The following SMARCC1 variants were observed in gnomAD, a reference collection of about 807,000 sequenced individuals.
SMARCC1 encodes SWI/SNF related BAF chromatin remodeling complex subunit C1.
SMARCC1 carries 43 observed loss-of-function variants against 147.4 expected under a neutral mutation model. The observed-to-expected ratio is 0.29, with a 90% CI of 0.23 to 0.38. SMARCC1 has a LOEUF of 0.38. Ranked by LOEUF, SMARCC1 falls within the 10% of genes least tolerant of loss-of-function variation. The pLI, the probability that SMARCC1 is intolerant of heterozygous loss-of-function variation, is 1.00. For synonymous variants in SMARCC1, 495 were observed against 484.4 expected (o/e 1.02, Z -0.29); for missense variants, 1,119 against 1,381.1 (o/e 0.81, Z 3.01).
chr3:47,588,139 G>A lies in SMARCC1; in HGVS notation c.*70C>T. The stretch of plus-strand genomic sequence containing the variant: ...CCTGAAAGAAACCCAAGAAAGTTGA[G>A]GAACACAAGTCTTGTCATCCCCACT... On this transcript the variant is annotated 3_prime_UTR_variant, in exon 28 of 28. Transcript: ENST00000254480. 1 of 1,241,058 alleles carries A rather than the reference G, an allele frequency of 8.1e-7. No individual in the cohort carries two copies. The highest frequency in any genetic ancestry group is 1.3e-5 in the South Asian group (1 of 78,690). 76.9% of individuals were successfully genotyped at this position (1,241,058 alleles called of 1,614,324 possible).
intron 21 of SMARCC1, among the ~76,000 whole-genome samples, chr3:47,640,790 G>A (rs1310513873): frequency 6.6e-5 from 10 of 151,878 alleles, no homozygotes; most frequent in Non-Finnish European, 8.8e-5. Context: ...AATATTAGAC[G>A]ACACTAGGCT....
chr3:47,743,044 A>C (rs2034526465), intron 3 of SMARCC1, among the ~76,000 whole-genome samples: 1 of 152,222 alleles, frequency 6.6e-6, no homozygotes, highest in South Asian at 2.1e-4. Flanking sequence ...CAATGAAATA[A>C]GAAGAAAATA....
In SMARCC1 at chr3:47,626,292, G is replaced by A. The variant is rs1181352520; in HGVS notation, c.2647-3951C>T. 3.3e-5 allele frequency among the ~76,000 whole-genome samples: 5 copies of A among 151,458 alleles called. No individual in the cohort carries two copies. In the South Asian group the frequency reaches 8.3e-4, roughly 25 times the overall value. On this transcript the variant is annotated intron_variant, in intron 24 of 27. Coordinates refer to ENST00000254480, the MANE Select transcript of SMARCC1 (RefSeq NM_003074.4). Reference sequence around the variant, plus strand: ...CTCCTGAACAGCTGGGATTACAGGCGCCCGCCACCAAGCCCGGCTAATTTT... The same window carrying A: ...CTCCTGAACAGCTGGGATTACAGGCACCCGCCACCAAGCCCGGCTAATTTT...
chr3:47,624,912 A>T (rs2032786998), intron 24 of SMARCC1, among the ~76,000 whole-genome samples: 1 of 151,524 alleles, frequency 6.6e-6, no homozygotes, highest in African/African-American at 2.4e-5. Flanking sequence ...AAAAAAAAAA[A>T]AAAGCTGGAT....
chr3:47,779,615 TG>T (rs577579040), intron 1 of SMARCC1, among the ~76,000 whole-genome samples: 4 of 152,330 alleles, frequency 2.6e-5, no homozygotes, highest in Admixed American at 6.5e-5. Flanking sequence ...TCAATACTGC[TG>T]GGCAATTCCT....
Position 47,772,820 on chromosome 3 carries a change from G to A in SMARCC1, c.312C>T (p.Leu104=). The A allele has an allele frequency of 1.9e-6, 3 of 1,612,050 alleles. No homozygotes were observed. The highest frequency in any genetic ancestry group is 2.5e-6 in the Non-Finnish European group (3 of 1,178,746). ...AACAGTAAGCTGATGTACTTACAGGGAGTTTGGTGAAGGCCGGGTTGGTGA... is the reference window on the plus strand; with the variant it reads ...AACAGTAAGCTGATGTACTTACAGGAAGTTTGGTGAAGGCCGGGTTGGTGA... ...KHVTNPAFTK[L]PAKCFMDFKA... is the part of the protein sequence containing the mutation. The change falls in exon 2 of 28, where the codon CTC becomes CTT. Residue 104 remains leucine, a synonymous_variant. Coordinates refer to ENST00000254480, the MANE Select transcript of SMARCC1 (RefSeq NM_003074.4).
At chr3:47,672,277 C>T (rs1009333531) in intron 18 of SMARCC1, among the ~76,000 whole-genome samples, 15 of 151,736 alleles carry the variant, frequency 9.9e-5, no homozygotes, top group Non-Finnish European at 1.6e-4. Context: ...TGCAGTGGCA[C>T]GATCTTGGCT....
intron 21 of SMARCC1, among the ~76,000 whole-genome samples, chr3:47,650,148 C>T (rs1337768828): frequency 2.0e-5 from 3 of 151,646 alleles, no homozygotes; most frequent in East Asian, 1.9e-4. Flanking sequence ...TGGTGGTGGG[C>T]GCCTGTAGTC....
chr3:47,669,610 C>T (rs2033470238), intron 19 of SMARCC1, among the ~76,000 whole-genome samples: 1 of 151,750 alleles, frequency 6.6e-6, no homozygotes, highest in Admixed American at 6.6e-5. Flanking sequence ...ACTGAATGGG[C>T]ATATGAGAAT....
At chr3:47,702,959 C>T (rs759933853) in intron 10 of SMARCC1, among the ~76,000 whole-genome samples, 14 of 152,224 alleles carry the variant, frequency 9.2e-5, no homozygotes, top group Middle Eastern at 3.4e-3. Flanking sequence ...GACAGTCTTG[C>T]TCTGTTGCCC....
At chr3:47,627,053 T>A (rs573695639) in intron 24 of SMARCC1, among the ~76,000 whole-genome samples, 42 of 152,318 alleles carry the variant, frequency 2.8e-4, no homozygotes, top group African/African-American at 1.0e-3. Context: ...TTAACAAAAT[T>A]ATGAGATTTA....
intron 21 of SMARCC1, among the ~76,000 whole-genome samples, chr3:47,645,510 C>T (rs972868235): frequency 1.3e-5 from 2 of 151,982 alleles, no homozygotes; most frequent in Admixed American, 6.6e-5. Context: ...GTGCCACTGC[C>T]GTCCACACTG....
At chr3:47,589,961 C>T (rs1390110829) in intron 27 of SMARCC1, among the ~76,000 whole-genome samples, 1 of 152,224 alleles carries the variant, frequency 6.6e-6, no homozygotes, top group East Asian at 1.9e-4. Flanking sequence ...CTACTGGCTG[C>T]ATTTCAGCAT....
In SMARCC1 at chr3:47,638,743, A is replaced by T; in HGVS notation, c.2358T>A (p.Asp786Glu). Reference sequence around the variant, plus strand: ...ACTTTACCTTTTCAGGCTGCTGACCATCAGGGTCGGCTTCCATTTTTTCCT... The same window carrying T: ...ACTTTACCTTTTCAGGCTGCTGACCTTCAGGGTCGGCTTCCATTTTTTCCT... ...AEEEKMEADP[D>E]GQQPEKAENK... Residue 786 changes from aspartate to glutamate, a missense_variant, in exon 22 of 28, where the codon GAT becomes GAA. Around this residue, in one of 6 missense-constraint regions of SMARCC1, gnomAD observed 157 missense variants for 158.6 expected, o/e 0.99. Coordinates refer to ENST00000254480, the MANE Select transcript of SMARCC1 (RefSeq NM_003074.4). 6.2e-7 allele frequency: 1 copy of T among 1,613,658 alleles called. No homozygotes were observed. Among genetic ancestry groups the T allele is most frequent in the African/African-American group, 1.3e-5 (1 of 75,040 alleles).
chr3:47,693,899 G>A (rs2033818971), intron 11 of SMARCC1, among the ~76,000 whole-genome samples: 1 of 152,118 alleles, frequency 6.6e-6, no homozygotes, highest in South Asian at 2.1e-4. Context: ...CTGAGCTCAT[G>A]CAATCCATTC....
chr3:47,606,486 C>T lies in SMARCC1; in HGVS notation c.3043+3580G>A, dbSNP rs927006131. On this transcript the variant is annotated intron_variant, in intron 26 of 27. Coordinates refer to ENST00000254480, the MANE Select transcript of SMARCC1 (RefSeq NM_003074.4). ...GTGAGGGGCATGGCATACAAACACC[C>T]ATTATCATCAAAATCTCATTTAGGG... Among the ~76,000 whole-genome samples the T allele has an allele frequency of 6.6e-5, 10 of 152,134 alleles. No individual in the cohort carries two copies. In the East Asian group the frequency reaches 1.7e-3, roughly 26 times the overall value.
chr3:47,638,946 T>C (rs2033011380), intron 21 of SMARCC1, among the ~76,000 whole-genome samples, 166 bp from the exon 22 acceptor site: 1 of 152,190 alleles, frequency 6.6e-6, no homozygotes, highest in Non-Finnish European at 1.5e-5. Flanking sequence ...ACACACACTG[T>C]ATGATAAAGT....
At position 47,772,965 on chromosome 3, in the gene SMARCC1, C is replaced by T. The variant is rs757241189; in HGVS notation, c.196-29G>A. The T allele has an allele frequency of 3.1e-6, 5 of 1,601,436 alleles. No individual in the cohort carries two copies. The South Asian group carries it at 4.4e-5, about 14-fold the overall frequency. On this transcript the variant is annotated intron_variant, in intron 1 of 27. Transcript: ENST00000254480. ...CAAGATAAAGACAGGCATTCAAAAA[C>T]TAGTACAATTTTTGCAGGAGAAAAT...
At chr3:47,667,760 C>T (rs749422274) in intron 19 of SMARCC1, among the ~76,000 whole-genome samples, 57 of 152,204 alleles carry the variant, frequency 3.7e-4, no homozygotes, top group Non-Finnish European at 7.6e-4. Context: ...GCCTGTAGTC[C>T]CAACTACTCG....
Sources: gnomAD v4.1 joint callset for allele counts (sites outside exome capture counted in the v4.1 genomes callset) on GRCh38, gnomAD v4.1.1 for gene constraint, gnomAD v4.1.1 regional missense constraint, MANE v1.5 for transcripts, NCBI Gene and HGNC (gene_info 2026-07-23, HGNC 2026-07-21) for gene names.